The following ARID4B variants were observed in gnomAD, a reference collection of about 807,000 sequenced individuals.
ARID4B encodes AT-rich interactive domain-containing protein 4B.
Under a neutral mutation model 147.5 loss-of-function variants are expected in ARID4B, and 26 were observed. The ratio of observed to expected loss-of-function variants is 0.18; its 90% CI spans 0.13 to 0.24. The LOEUF (loss-of-function observed/expected upper bound fraction) is 0.24. Among genes scored for constraint, ARID4B ranks in the 10% least tolerant of loss-of-function variants. The pLI, the probability that ARID4B is intolerant of heterozygous loss-of-function variation, is 1.00. For synonymous variants in ARID4B, 512 were observed against 507.9 expected (o/e 1.01, Z -0.11); for missense variants, 1,179 against 1,511.5 (o/e 0.78, Z 3.65).
intron 7 of ARID4B, among the ~76,000 whole-genome samples, chr1:235,245,159 A>AT (rs1669222524): frequency 6.6e-6 from 1 of 152,206 alleles, no homozygotes; most frequent in Non-Finnish European, 1.5e-5. Flanking sequence ...CAAATCTCTC[A>AT]TTACACATAG....
rs138127846 is a variant in ARID4B, at chr1:235,226,315, A to C, written c.898-1540T>G. Among the ~76,000 whole-genome samples, 118 of 152,280 alleles carry C rather than the reference A, an allele frequency of 7.7e-4. 1 individual carries two copies. The highest frequency in any genetic ancestry group is 2.7e-3 in the African/African-American group (113 of 41,568). ...GTGGGGAAGAAAAAATAGACAATAA[A>C]TATAAATGACAAAAATATGTATAAG... is the stretch of plus-strand genomic sequence containing the variant. On this transcript the variant is annotated intron_variant, in intron 11 of 23. Transcript: ENST00000264183.
chr1:235,293,096 T>C (rs1270339042), intron 2 of ARID4B, among the ~76,000 whole-genome samples: 2 of 152,198 alleles, frequency 1.3e-5, no homozygotes, highest in Non-Finnish European at 2.9e-5. Context: ...ACTGCTCCCC[T>C]TGTGCCAAGC....
intron 2 of ARID4B, among the ~76,000 whole-genome samples, chr1:235,297,059 G>T (rs1672792286): frequency 6.6e-6 from 1 of 152,016 alleles, no homozygotes; most frequent in South Asian, 2.1e-4. Flanking sequence ...GTTCCTTAAA[G>T]AAATAGCTGA....
chr1:235,309,055 C>T (rs1673808584), intron 2 of ARID4B, among the ~76,000 whole-genome samples: 1 of 149,444 alleles, frequency 6.7e-6, no homozygotes, highest in Non-Finnish European at 1.5e-5. Context: ...GCCGCCATCC[C>T]ATCTAGGAAG....
chr1:235,177,566 G>C, intron 21 of ARID4B: 2 of 365,082 alleles, frequency 5.5e-6, no homozygotes, highest in Non-Finnish European at 4.9e-6. Flanking sequence ...ATGTTGGTTT[G>C]CTGCACCCAT....
rs370660682 is a variant in ARID4B, at chr1:235,255,219, C to CTATATATATATATAGAGAGAGAGAGA, written c.274+440_274+441insTCTCTCTCTCTCTATATATATATATA. Among the ~76,000 whole-genome samples the CTATATATATATATAGAGAGAGAGAGA allele has an allele frequency of 2.4e-3, 302 of 127,582 alleles. 1 individual carries two copies. Among genetic ancestry groups the CTATATATATATATAGAGAGAGAGAGA allele is most frequent in the African/African-American group, 8.6e-3 (282 of 32,738 alleles). The allele number at this position is 127,582 out of a possible 152,430, so 83.7% of individuals were successfully genotyped here. ...CTACTACTTTGTTTCCTGCTGGGAG[C>CTATATATATATATAGAGAGAGAGAGA]TAGATAGATAGATAGATAGATAGAT... is the stretch of plus-strand genomic sequence containing the variant. On this transcript the variant is annotated intron_variant, in intron 5 of 23. Coordinates refer to ENST00000264183, the MANE Select transcript of ARID4B (RefSeq NM_016374.6).
chr1:235,250,918 A>T (rs1309558912), intron 6 of ARID4B, among the ~76,000 whole-genome samples: 1 of 152,248 alleles, frequency 6.6e-6, no homozygotes, highest in Non-Finnish European at 1.5e-5. Context: ...AGACTAAAAA[A>T]ATAAAATGCA....
Position 235,172,616 on chromosome 1 carries a change from AC to A in ARID4B, c.3811+1del. On this transcript the variant is annotated splice_donor_variant, in intron 23 of 23. Coordinates refer to ENST00000264183, the MANE Select transcript of ARID4B (RefSeq NM_016374.6). LOFTEE classifies it high-confidence loss of function. ...AAATAAAAATAAAGTAAAAATACTT[AC>A]TTTCTCTCTCTTTCTTCTTTAAACG... 1 of 1,533,858 alleles carries A rather than the reference AC, an allele frequency of 6.5e-7. No homozygotes were observed. The highest frequency in any genetic ancestry group is 8.8e-7 in the Non-Finnish European group (1 of 1,141,648).
chr1:235,169,048 C>T (rs1663133498), intron 23 of ARID4B, among the ~76,000 whole-genome samples: 1 of 152,190 alleles, frequency 6.6e-6, no homozygotes, highest in African/African-American at 2.4e-5. Flanking sequence ...CTCCATCTTT[C>T]TGTACTTAGG....
intron 13 of ARID4B, among the ~76,000 whole-genome samples, chr1:235,222,270 A>G (rs1667522216): frequency 6.6e-6 from 1 of 152,150 alleles, no homozygotes; most frequent in Admixed American, 6.5e-5. Flanking sequence ...AGGCTCTTAA[A>G]TCAAAATTTT....
chr1:235,254,133 T>G (rs911435220), intron 5 of ARID4B, among the ~76,000 whole-genome samples: 1 of 152,142 alleles, frequency 6.6e-6, no homozygotes, highest in African/African-American at 2.4e-5. Context: ...TTGCTCACAG[T>G]CTTCTCACTT....
At chr1:235,221,060 G>A (rs143545510) in intron 14 of ARID4B, among the ~76,000 whole-genome samples, 38 of 152,300 alleles carry the variant, frequency 2.5e-4, no homozygotes, top group Admixed American at 7.8e-4. Context: ...ACTATGCTCA[G>A]GTAATTTTTG....
At position 235,181,792 on chromosome 1, in the gene ARID4B, A is replaced by C. The variant is rs1449593353; in HGVS notation, c.3127T>G (p.Ser1043Ala). 6.2e-7 allele frequency: 1 copy of C among 1,614,060 alleles called. No homozygotes were observed. Among genetic ancestry groups the C allele is most frequent in the African/African-American group, 1.3e-5 (1 of 74,928 alleles). ...VTVTEGSRQQ[S>A]SVTVSEPLAP... ...AGTGGTTCTGATACTGTTACAGAAG[A>C]CTGCTGCCGGCTGCCTTCTGTTACA... is the stretch of plus-strand genomic sequence containing the variant. The change falls in exon 20 of 24, where the codon TCT becomes GCT. Residue 1043 changes from serine (S) to alanine (A), a missense_variant. Ser to Ala is a moderately conservative substitution (Grantham distance 99). Transcript: ENST00000264183.
intron 8 of ARID4B, among the ~76,000 whole-genome samples, chr1:235,238,921 T>G (rs1049511670): frequency 6.6e-6 from 1 of 151,094 alleles, no homozygotes; most frequent in Non-Finnish European, 1.5e-5. Context: ...TCAGATAAAA[T>G]CATCATAGGA....
chr1:235,225,836 G>A (rs1667794026), intron 11 of ARID4B, among the ~76,000 whole-genome samples: 2 of 151,996 alleles, frequency 1.3e-5, no homozygotes, highest in Non-Finnish European at 2.9e-5. Flanking sequence ...AACAAAGAAA[G>A]GTAATTTTTT....
intron 10 of ARID4B, 33 bp downstream of exon 10, chr1:235,231,080 A>G: frequency 1.4e-6 from 2 of 1,419,532 alleles, no homozygotes; most frequent in Non-Finnish European, 1.9e-6. Flanking sequence ...CAGTTTTTAC[A>G]GTACTTGTAA....
intron 22 of ARID4B, among the ~76,000 whole-genome samples, chr1:235,174,188 TGCCACCA>T (rs1220935048): frequency 6.6e-6 from 1 of 151,902 alleles, no homozygotes; most frequent in African/African-American, 2.4e-5. Context: ...TACAAGCGCG[TGCCACCA>T]CGCGCAGCTA....
In ARID4B at chr1:235,181,994, C is replaced by T; in HGVS notation, c.2925G>A (p.Glu975=). 2 of 1,614,150 alleles carry T rather than the reference C, an allele frequency of 1.2e-6. No homozygotes were observed. The highest frequency in any genetic ancestry group is 1.7e-6 in the Non-Finnish European group (2 of 1,180,034). Reference sequence around the variant, plus strand: ...GTTCTACACTGGGTGAACAACTCTCCTCTTCAGCCACAGTCTGCAGTGACT... The same window carrying T: ...GTTCTACACTGGGTGAACAACTCTCTTCTTCAGCCACAGTCTGCAGTGACT... ...AEESLQTVAE[E]ESCSPSVELE... is the part of the protein sequence containing the mutation. Residue 975 remains glutamate (E), a synonymous_variant, in exon 20 of 24, where the codon GAG becomes GAA. Coordinates refer to ENST00000264183, the MANE Select transcript of ARID4B (RefSeq NM_016374.6).
intron 2 of ARID4B, among the ~76,000 whole-genome samples, chr1:235,292,562 G>A (rs562782633): frequency 1.8e-4 from 27 of 150,018 alleles, no homozygotes; most frequent in African/African-American, 6.6e-4. Context: ...GCTGCAGTGA[G>A]TTGAGATCAT....
Sources: allele counts gnomAD v4.1 joint callset (sites outside exome capture counted in the v4.1 genomes callset), GRCh38; gene constraint gnomAD v4.1.1; transcripts MANE v1.5; gene names NCBI Gene and HGNC (gene_info 2026-07-23, HGNC 2026-07-21).